The following ANK2 variants were observed in gnomAD, a reference collection of about 807,000 sequenced individuals.
The protein encoded by ANK2 is ankyrin-2.
Under a neutral mutation model 360.5 loss-of-function variants are expected in ANK2, and 83 were observed. The ratio of observed to expected loss-of-function variants is 0.23; its 90% CI spans 0.19 to 0.28. ANK2 has a LOEUF of 0.28. Among genes scored for constraint, ANK2 ranks in the 10% least tolerant of loss-of-function variants. The pLI is 1.00. For synonymous variants in ANK2, 1,740 were observed against 1,759.5 expected (o/e 0.99, Z 0.28); for missense variants, 4,201 against 4,795.7 (o/e 0.88, Z 3.66).
chr4:113,208,691 C>T (rs564618918), intron 4 of ANK2, among the ~76,000 whole-genome samples: 1 of 151,844 alleles, frequency 6.6e-6, no homozygotes, highest in South Asian at 2.1e-4. Flanking sequence ...TTTGTAGAGA[C>T]AGGGTCTTGC....
chr4:112,862,909 A>T (rs1032367830), intron 1 of ANK2, among the ~76,000 whole-genome samples: 1 of 152,130 alleles, frequency 6.6e-6, no homozygotes, highest in African/African-American at 2.4e-5. Flanking sequence ...AATGAAAGCC[A>T]TTTATTCTAG....
chr4:112,711,081 C>T, the ANK2 span, among the ~76,000 whole-genome samples: 2 of 151,174 alleles, frequency 1.3e-5, no homozygotes, highest in Non-Finnish European at 2.9e-5. Context: ...TGAGCCACTG[C>T]GCCTGGCCAG....
the ANK2 span, among the ~76,000 whole-genome samples, chr4:112,750,685 C>T: frequency 1.3e-5 from 2 of 151,812 alleles, no homozygotes; most frequent in Non-Finnish European, 2.9e-5. Flanking sequence ...CAGAGCAGCC[C>T]CAAGGGCTGC....
At chr4:113,020,393 G>A (rs992419744) in intron 2 of ANK2, among the ~76,000 whole-genome samples, 1 of 151,984 alleles carries the variant, frequency 6.6e-6, no homozygotes, top group African/African-American at 2.4e-5. Context: ...ACAGGGTCTC[G>A]CTGTGTTGTG....
intron 27 of ANK2, 106 bp from the exon 28 acceptor site, chr4:113,331,866 C>T: frequency 1.9e-6 from 2 of 1,070,908 alleles, no homozygotes; most frequent in Non-Finnish European, 2.9e-6. Context: ...CAGTGTGAAA[C>T]CAAAGTTCAC....
chr4:113,004,187 C>T (rs371229136), intron 2 of ANK2, among the ~76,000 whole-genome samples: 7 of 151,922 alleles, frequency 4.6e-5, no homozygotes, highest in South Asian at 4.2e-4. Context: ...TTTCTTTCTT[C>T]GATAATAAGT....
chr4:112,850,099 G>A (rs2064305932), intron 1 of ANK2, among the ~76,000 whole-genome samples: 1 of 152,012 alleles, frequency 6.6e-6, no homozygotes, highest in Admixed American at 6.6e-5. Flanking sequence ...TTCATTCTCA[G>A]GTCTTCAGCC....
chr4:113,213,928 AAG>A (rs1390171330), intron 4 of ANK2: 2 of 615,360 alleles, frequency 3.3e-6, no homozygotes, highest in African/African-American at 3.7e-5. Flanking sequence ...TAAATGGAAA[AAG>A]AAACGACAAA....
At position 113,217,777 on chromosome 4, in the gene ANK2, G is replaced by A. The variant is rs558686277; in HGVS notation, c.385-14384G>A. ...TTCAGTACCGGTTCATGGCCTGGGG[G>A]ATGGGGACACTAAGTCTCGGTACCG... is the stretch of plus-strand genomic sequence containing the variant. On this transcript the variant is annotated intron_variant, in intron 4 of 45. Transcript: ENST00000357077. 8.5e-5 allele frequency among the ~76,000 whole-genome samples: 13 copies of A among 152,288 alleles called. No individual in the cohort carries two copies. The East Asian group carries it at 2.5e-3, about 29-fold the overall frequency.
At position 113,359,256 on chromosome 4, in the gene ANK2, G is replaced by C; in HGVS notation, c.10638G>C (p.Leu3546=). Residue 3546 remains leucine, a synonymous_variant, in exon 38 of 46, where the codon CTG becomes CTC. Transcript: ENST00000357077. Reference sequence around the variant, plus strand: ...TTTGGGATGAGTCTATTGAGACTCTGATTGAACGCATCCCTGATGAAAATG... The same window carrying C: ...TTTGGGATGAGTCTATTGAGACTCTCATTGAACGCATCCCTGATGAAAATG... The part of the protein sequence containing the change: ...RPIWDESIET[L]IERIPDENGH... 1 of 1,613,940 alleles carries C rather than the reference G, an allele frequency of 6.2e-7. No individual in the cohort carries two copies. The highest frequency in any genetic ancestry group is 8.5e-7 in the Non-Finnish European group (1 of 1,179,874).
chr4:113,305,818 T>C (rs1262463375), intron 23 of ANK2, among the ~76,000 whole-genome samples: 2 of 152,214 alleles, frequency 1.3e-5, no homozygotes, highest in Admixed American at 1.3e-4. Context: ...TTATTAGTAG[T>C]AATAGTGTAT....
At chr4:113,090,583 C>T (rs1377894449) in intron 1 of ANK2, among the ~76,000 whole-genome samples, 1 of 152,124 alleles carries the variant, frequency 6.6e-6, no homozygotes, top group East Asian at 1.9e-4. Flanking sequence ...ACTTAAGTTG[C>T]GTTCTCTACC....
chr4:113,156,510 A>G (rs2097304236), intron 1 of ANK2, among the ~76,000 whole-genome samples: 1 of 151,820 alleles, frequency 6.6e-6, no homozygotes, highest in East Asian at 1.9e-4. Context: ...AGCTGGGACT[A>G]CAGGTGCACG....
intron 4 of ANK2, among the ~76,000 whole-genome samples, chr4:113,229,027 A>G (rs1407250580): frequency 6.6e-6 from 1 of 152,110 alleles, no homozygotes; most frequent in Non-Finnish European, 1.5e-5. Flanking sequence ...GCCTGACAGG[A>G]GCATCACATG....
intron 4 of ANK2, among the ~76,000 whole-genome samples, chr4:113,229,137 T>G (rs2099260942): frequency 6.6e-6 from 1 of 152,272 alleles, no homozygotes; most frequent in Admixed American, 6.5e-5. Flanking sequence ...ATTACATACC[T>G]GTTGCTACTG....
chr4:112,731,187 A>G, the ANK2 span, among the ~76,000 whole-genome samples: 2 of 151,054 alleles, frequency 1.3e-5, no homozygotes, highest in African/African-American at 4.9e-5. Context: ...GCTACTTGGG[A>G]GACCAAGATG....
intron 1 of ANK2, among the ~76,000 whole-genome samples, chr4:112,885,082 T>C (rs1308520892): frequency 6.6e-6 from 1 of 152,230 alleles, no homozygotes; most frequent in South Asian, 2.1e-4. Flanking sequence ...TTTTATTAAG[T>C]TTTAAAGCAT....
chr4:113,334,733 CTAGAAAGTTAATAGATTAATTAAT>C (rs1563844621), intron 29 of ANK2, among the ~76,000 whole-genome samples: 1 of 53,052 alleles, frequency 1.9e-5, no homozygotes, highest in Non-Finnish European at 3.0e-5. Flanking sequence ...TAATCTATTA[CTAGAAAGTTAATAGATTAATTAAT>C]CTATTACTAG....
chr4:112,901,864 CAAA>C (rs199731018), intron 1 of ANK2, among the ~76,000 whole-genome samples: 8 of 82,560 alleles, frequency 9.7e-5, no homozygotes, highest in Admixed American at 1.3e-4. Context: ...GACTCTGTCT[CAAA>C]AAAAAAAAAA....
Sources: allele counts gnomAD v4.1 joint callset (sites outside exome capture counted in the v4.1 genomes callset), GRCh38; gene constraint gnomAD v4.1.1; transcripts MANE v1.5; gene names NCBI Gene and HGNC (gene_info 2026-07-23, HGNC 2026-07-21).